Variants in MYLK observed in about 807,000 individuals in gnomAD.
MYLK encodes the protein myosin light chain kinase, also known as myosin light chain kinase, smooth muscle.
A neutral mutation model predicts 203.4 loss-of-function variants in MYLK; 106 were observed. That is an observed-to-expected ratio of 0.52 (90% CI 0.45 to 0.61). The LOEUF (loss-of-function observed/expected upper bound fraction) is 0.61, where lower values mean the gene tolerates loss of function less well. MYLK is among the 20% of genes least tolerant of loss of function. MYLK has a pLI of 0.00. For missense variants in MYLK, 2,072 were observed against 2,442.3 expected, an observed-to-expected ratio of 0.85 and a Z score of 3.20; for synonymous variants, 867 against 959.5, an observed-to-expected ratio of 0.90 and a Z score of 1.78.
intron 3 of MYLK, among the ~76,000 whole-genome samples, chr3:123,818,398 A>C (rs1197184735): frequency 6.6e-6 from 1 of 152,146 alleles, no homozygotes; most frequent in East Asian, 1.9e-4. Context: ...TATGACTCTG[A>C]GGAATGAAGA....
chr3:123,677,574 G>A (rs1177745319), intron 20 of MYLK, among the ~76,000 whole-genome samples: 2 of 152,180 alleles, frequency 1.3e-5, no homozygotes, highest in African/African-American at 2.4e-5. Context: ...TCCAAAGGGA[G>A]GAGAGGACCC....
chr3:123,878,244 T>A (rs1283757991), intron 1 of MYLK, among the ~76,000 whole-genome samples: 1 of 152,164 alleles, frequency 6.6e-6, no homozygotes, highest in African/African-American at 2.4e-5. Flanking sequence ...TACAGCCTCA[T>A]CAGATGAGTA....
chr3:123,864,308 T>C (rs569097252), intron 2 of MYLK, among the ~76,000 whole-genome samples: 5 of 152,338 alleles, frequency 3.3e-5, no homozygotes, highest in East Asian at 1.9e-4. Flanking sequence ...CATCCAATGG[T>C]ATGCTTAAGA....
intron 4 of MYLK, among the ~76,000 whole-genome samples, chr3:123,783,280 G>C (rs770811181): frequency 7.2e-5 from 11 of 152,160 alleles, no homozygotes; most frequent in Non-Finnish European, 1.6e-4. Flanking sequence ...CAAGGAGGCT[G>C]AACCAATAAT....
intron 4 of MYLK, among the ~76,000 whole-genome samples, chr3:123,763,542 G>T (rs2063603780): frequency 6.6e-6 from 1 of 152,190 alleles, no homozygotes; most frequent in Non-Finnish European, 1.5e-5. Flanking sequence ...ATTTTGTCTG[G>T]AGATGGAATT....
chr3:123,733,783 T>C lies in MYLK; in HGVS notation c.1213A>G (p.Met405Val), dbSNP rs35436690. Residue 405 changes from methionine (M) to valine (V), a missense_variant, in exon 10 of 34, where the codon ATG becomes GTG. This residue lies in a region of MYLK where 683 missense variants were observed against 643.8 expected (regional missense o/e 1.06). Transcript: ENST00000360304. ...VSKAANRRIP[M>V]EGQRDSAFPK... ...AATGCTGAATCCCTCTGGCCCTCCATGGGGATTCTCCTGTTAGCAGCCTTG... is the reference window on the plus strand; with the variant it reads ...AATGCTGAATCCCTCTGGCCCTCCACGGGGATTCTCCTGTTAGCAGCCTTG... 84 of 1,614,228 alleles carry C rather than the reference T, an allele frequency of 5.2e-5. No homozygotes were observed. The East Asian group carries it at 1.6e-3, about 30-fold the overall frequency.
intron 4 of MYLK, among the ~76,000 whole-genome samples, chr3:123,784,735 T>C (rs1475883256): frequency 2.0e-5 from 3 of 152,236 alleles, no homozygotes; most frequent in Admixed American, 2.0e-4. Context: ...ATGAATTAAC[T>C]GTTAACCATC....
chr3:123,663,366 A>G (rs553705056), intron 23 of MYLK, among the ~76,000 whole-genome samples: 32 of 152,036 alleles, frequency 2.1e-4, no homozygotes, highest in Admixed American at 1.1e-3. Context: ...GGTCATGGTG[A>G]CCTCAGAAGA....
At chr3:123,690,807 C>T (rs928573408) in intron 19 of MYLK, among the ~76,000 whole-genome samples, 1 of 152,070 alleles carries the variant, frequency 6.6e-6, no homozygotes, top group Non-Finnish European at 1.5e-5. Context: ...TCTTCCAAGA[C>T]CCAGCTCCCA....
rs1054803767 is a variant in MYLK at position 123,884,287 on chromosome 3, G to A, written c.-267C>T. On this transcript the variant is annotated 5_prime_UTR_variant, in exon 1 of 34. Coordinates refer to ENST00000360304, the MANE Select transcript of MYLK (RefSeq NM_053025.4). Reference sequence around the variant, plus strand: ...GCCGCAGGCGCACAGCGCGGGCTCCGAGCTCGCTCAGCGCCCTGCTGCCGA... The same window carrying A: ...GCCGCAGGCGCACAGCGCGGGCTCCAAGCTCGCTCAGCGCCCTGCTGCCGA... 3 of 147,764 alleles carry A rather than the reference G, an allele frequency of 2.0e-5. No homozygotes were observed. The highest frequency in any genetic ancestry group is 6.7e-5 in the Admixed American group (1 of 14,876). The allele number at this position is 147,764 out of a possible 1,614,324, so 9.2% of individuals were successfully genotyped here. A position where few individuals can be genotyped will look rare whatever the true frequency, so the allele number is the denominator to read the frequency against.
intron 20 of MYLK, among the ~76,000 whole-genome samples, chr3:123,677,307 G>A (rs540817227): frequency 2.0e-5 from 3 of 152,330 alleles, no homozygotes; most frequent in East Asian, 3.9e-4. Context: ...GACTGGCAAG[G>A]AAGCCCAAGT....
At chr3:123,727,609 A>C (rs2062334681) in intron 11 of MYLK, among the ~76,000 whole-genome samples, 1 of 152,168 alleles carries the variant, frequency 6.6e-6, no homozygotes, top group African/African-American at 2.4e-5. Context: ...TGTTATTATC[A>C]AGTAGAAGCT....
chr3:123,771,822 A>T (rs2063894313), intron 4 of MYLK, among the ~76,000 whole-genome samples: 1 of 152,224 alleles, frequency 6.6e-6, no homozygotes, highest in African/African-American at 2.4e-5. Context: ...GGCCTATTAT[A>T]TAATACAACA....
rs2058871191 is a variant in MYLK, at chr3:123,642,490, T to C, written c.4620-1986A>G. 6.6e-6 allele frequency among the ~76,000 whole-genome samples: 1 copy of C among 152,158 alleles called. No homozygotes were observed. Among genetic ancestry groups the C allele is most frequent in the Non-Finnish European group, 1.5e-5 (1 of 68,020 alleles). On this transcript the variant is annotated intron_variant, in intron 27 of 33. Coordinates refer to ENST00000360304, the MANE Select transcript of MYLK (RefSeq NM_053025.4). This position sits in a 1 kb window ranked among gnomAD's most constrained non-coding sequence, Gnocchi z 4.2. ...TCTGCCACGTGACACACACACTCAC[T>C]TCTGGAAGGGCTGAACTGGAGAAGG...
chr3:123,716,815 A>AATGG (rs1560122440), intron 13 of MYLK, among the ~76,000 whole-genome samples: 1 of 152,206 alleles, frequency 6.6e-6, no homozygotes, highest in East Asian at 1.9e-4. Context: ...AAAGCTCTAT[A>AATGG]ATGGCCCTAT....
intron 16 of MYLK, among the ~76,000 whole-genome samples, chr3:123,702,295 T>A (rs2061270505): frequency 1.3e-5 from 2 of 152,170 alleles, no homozygotes; most frequent in South Asian, 2.1e-4. Context: ...ACAAGAAGGT[T>A]CTGCTCAGGC....
At chr3:123,645,846 C>T (rs563072495) in intron 27 of MYLK, among the ~76,000 whole-genome samples, 209 of 152,312 alleles carry the variant, frequency 1.4e-3, no homozygotes, top group Non-Finnish European at 2.7e-3. Flanking sequence ...TAGCAATTTG[C>T]TGAAAAAGCA....
chr3:123,626,966 T>G (rs1229598178), intron 30 of MYLK, 25 bp from the exon 31 acceptor site: 1 of 1,613,624 alleles, frequency 6.2e-7, no homozygotes. Context: ...GATCAGGAGA[T>G]TTTTGAGCAG....
At chr3:123,744,701 T>A (rs2062963039) in intron 5 of MYLK, among the ~76,000 whole-genome samples, 1 of 152,276 alleles carries the variant, frequency 6.6e-6, no homozygotes, top group South Asian at 2.1e-4. Flanking sequence ...GGAACAGTGA[T>A]AATAACAAGA....
Sources: allele counts gnomAD v4.1 joint callset (sites outside exome capture counted in the v4.1 genomes callset), GRCh38; gene constraint gnomAD v4.1.1; regional missense constraint gnomAD v4.1.1; non-coding constraint Gnocchi (gnomAD v3.1); transcripts MANE v1.5; gene names NCBI Gene and HGNC (gene_info 2026-07-23, HGNC 2026-07-21).